RBPMS: variants seen among roughly 807,000 people sequenced by gnomAD.
RBPMS encodes the protein RNA binding protein, mRNA processing factor.
Under a neutral mutation model 26.8 loss-of-function variants are expected in RBPMS, and 7 were observed. That is an observed-to-expected ratio of 0.26 (90% CI 0.15 to 0.49). RBPMS has a LOEUF of 0.49. Ranked by LOEUF, RBPMS falls within the 20% of genes least tolerant of loss-of-function variation. The probability of loss-of-function intolerance (pLI) is 0.98; values close to 1 mark genes in which losing one functional copy is unlikely to be tolerated. For synonymous variants in RBPMS, 96 were observed against 93.3 expected (o/e 1.03, Z -0.17); for missense variants, 186 against 250.0 (o/e 0.74, Z 1.73).
chr8:30,446,844 C>T (rs11780550), intron 1 of RBPMS: 9,725 of 53,384 alleles, frequency 0.18, 405 homozygotes, highest in East Asian at 0.27. Context: ...TGTGTGTGTG[C>T]GCGCGCGCGC....
At chr8:30,459,107 G>T (rs1815596507) in intron 1 of RBPMS, among the ~76,000 whole-genome samples, 2 of 151,870 alleles carry the variant, frequency 1.3e-5, no homozygotes, top group African/African-American at 4.8e-5. Flanking sequence ...GGGATTACAG[G>T]CGTGCCACCA....
At chr8:30,478,807 T>C (rs1817979154) in intron 3 of RBPMS, among the ~76,000 whole-genome samples, 1 of 152,212 alleles carries the variant, frequency 6.6e-6, no homozygotes, top group South Asian at 2.1e-4. Context: ...CAGCACAGGA[T>C]TTTTTAAGGC....
chr8:30,456,995 T>G (rs1049972804), intron 1 of RBPMS, among the ~76,000 whole-genome samples: 4 of 152,228 alleles, frequency 2.6e-5, no homozygotes, highest in African/African-American at 9.6e-5. Flanking sequence ...GTTGGTCGTA[T>G]CTTTATTTGG....
intron 4 of RBPMS, among the ~76,000 whole-genome samples, chr8:30,498,749 A>G (rs1188326528): frequency 6.6e-6 from 1 of 152,204 alleles, no homozygotes; most frequent in Non-Finnish European, 1.5e-5. Flanking sequence ...AATGAGAGCT[A>G]GGATTCTCGC....
At chr8:30,465,475 T>G (rs1816393498) in intron 1 of RBPMS, among the ~76,000 whole-genome samples, 1 of 152,198 alleles carries the variant, frequency 6.6e-6, no homozygotes, top group African/African-American at 2.4e-5. Context: ...ATGGCCTGAG[T>G]TGGAGTTTGC....
At chr8:30,479,481 G>T in intron 4 of RBPMS, 104 bp downstream of exon 4, 1 of 825,982 alleles carries the variant, frequency 1.2e-6, no homozygotes, top group Non-Finnish European at 2.0e-6. Context: ...TGACTGCACA[G>T]TCTAAGAGGG....
chr8:30,470,553 T>C (rs550270378), intron 1 of RBPMS, among the ~76,000 whole-genome samples: 1 of 152,268 alleles, frequency 6.6e-6, no homozygotes, highest in South Asian at 2.1e-4. Context: ...TTTCCGGATT[T>C]AAGTGACCTC....
intron 1 of RBPMS, among the ~76,000 whole-genome samples, chr8:30,454,508 T>C (rs1000888264): frequency 5.3e-5 from 8 of 152,222 alleles, no homozygotes; most frequent in Non-Finnish European, 1.2e-4. Flanking sequence ...GTGAGTGTGC[T>C]TCAACCTCAG....
At chr8:30,504,490 T>C in intron 5 of RBPMS, 54 bp downstream of exon 5, 1 of 1,558,356 alleles carries the variant, frequency 6.4e-7, no homozygotes, top group Non-Finnish European at 8.8e-7. Flanking sequence ...ACTGTTCATG[T>C]GCTGCATGTG....
At chr8:30,413,916 A>G (rs1809756193) in intron 1 of RBPMS, among the ~76,000 whole-genome samples, 1 of 151,992 alleles carries the variant, frequency 6.6e-6, no homozygotes, top group South Asian at 2.1e-4. Flanking sequence ...CTAATTTTGT[A>G]TTTTTAGTAG....
intron 1 of RBPMS, among the ~76,000 whole-genome samples, chr8:30,393,669 C>T (rs761396602): frequency 2.0e-5 from 3 of 152,026 alleles, no homozygotes; most frequent in Non-Finnish European, 4.4e-5. Flanking sequence ...AGGCACACGC[C>T]ACCACACCTG....
At chr8:30,513,267 T>G (rs1311409045) in intron 5 of RBPMS, among the ~76,000 whole-genome samples, 2 of 152,044 alleles carry the variant, frequency 1.3e-5, no homozygotes, top group Non-Finnish European at 2.9e-5. Flanking sequence ...TGTTTCTTTA[T>G]TAAATCATTG....
At chr8:30,537,223 C>T (rs550974765) in intron 5 of RBPMS, among the ~76,000 whole-genome samples, 4 of 152,288 alleles carry the variant, frequency 2.6e-5, no homozygotes, top group South Asian at 2.1e-4. Flanking sequence ...TGGATTGCAT[C>T]GCATGATTTC....
In RBPMS at chr8:30,430,064, C is replaced by T. The variant is rs562619639; in HGVS notation, c.67-44715C>T. Among the ~76,000 whole-genome samples, 3 of 152,178 alleles carry T rather than the reference C, an allele frequency of 2.0e-5. No homozygotes were observed. The South Asian group carries it at 6.2e-4, about 32-fold the overall frequency. On this transcript the variant is annotated intron_variant, in intron 1 of 8. Coordinates refer to ENST00000397323, the MANE Select transcript of RBPMS (RefSeq NM_001008710.3). ...AGCCGAGGCGGGCAGATTGCTTGAA[C>T]CCAGGAGTTTGAGACCAGCCTGGGC... is the stretch of plus-strand genomic sequence containing the variant.
At chr8:30,523,784 A>G (rs1249907438) in intron 5 of RBPMS, among the ~76,000 whole-genome samples, 1 of 152,100 alleles carries the variant, frequency 6.6e-6, no homozygotes, top group East Asian at 1.9e-4. Context: ...TAGTAATCAA[A>G]TAACCAAGTG....
chr8:30,460,493 C>T (rs1815756125), intron 1 of RBPMS, among the ~76,000 whole-genome samples: 1 of 152,178 alleles, frequency 6.6e-6, no homozygotes, highest in African/African-American at 2.4e-5. Flanking sequence ...CATCTATGCT[C>T]TGTGAACGTC....
chr8:30,559,034 C>G, intron 7 of RBPMS, 78 bp downstream of exon 7: 1 of 1,200,526 alleles, frequency 8.3e-7, no homozygotes, highest in Non-Finnish European at 1.2e-6. Flanking sequence ...ATGAACGCAG[C>G]TCTCCTCCTT....
At chr8:30,428,738 A>G (rs2150658102) in intron 1 of RBPMS, among the ~76,000 whole-genome samples, 1 of 151,962 alleles carries the variant, frequency 6.6e-6, no homozygotes, top group Admixed American at 6.5e-5. Flanking sequence ...CTGTGTGAGG[A>G]CCTTAAGCCA....
chr8:30,550,464 T>C (rs919766315), intron 6 of RBPMS, among the ~76,000 whole-genome samples: 2 of 152,142 alleles, frequency 1.3e-5, no homozygotes, highest in Non-Finnish European at 2.9e-5. Context: ...AAGGGGCACT[T>C]GAATTTTCAG....
Sources: allele counts gnomAD v4.1 joint callset (sites outside exome capture counted in the v4.1 genomes callset), GRCh38; gene constraint gnomAD v4.1.1; transcripts MANE v1.5; gene names NCBI Gene and HGNC (gene_info 2026-07-23, HGNC 2026-07-21).